PSG9: variants seen among roughly 807,000 people sequenced by gnomAD.
PSG9 encodes the protein pregnancy specific beta-1-glycoprotein 9.
In PSG9, 49 loss-of-function variants were observed where a neutral mutation model predicts 41.9. The ratio of observed to expected loss-of-function variants is 1.17; its 90% CI spans 0.93 to 1.48. The LOEUF is 1.48. Ranked by LOEUF, PSG9 falls within the 40% of genes most tolerant of loss-of-function variation. PSG9 has a pLI of 0.00. For synonymous variants in PSG9, 263 were observed against 196.8 expected (o/e 1.34, Z -2.82); for missense variants, 641 against 520.3 (o/e 1.23, Z -2.26).
chr19:43,263,523 T>A (rs1026056646), intron 2 of PSG9, among the ~76,000 whole-genome samples: 10 of 151,820 alleles, frequency 6.6e-5, no homozygotes, highest in Admixed American at 1.3e-4. Flanking sequence ...CTCAATTTGT[T>A]ATACTGTAAT....
rs1381775322 is a variant in PSG9, at chr19:43,268,168, A to G, written c.65-19T>C. ...AGTGATGCTAGGAGGGGGAGACAGC[A>G]TCAGTTAATATTGAGACCTATGTAT... On this transcript the variant is annotated intron_variant, in intron 1 of 5. Coordinates refer to ENST00000270077, the MANE Select transcript of PSG9 (RefSeq NM_002784.5). 2 of 1,578,994 alleles carry G rather than the reference A, an allele frequency of 1.3e-6. No individual in the cohort carries two copies. Among genetic ancestry groups the G allele is most frequent in the Non-Finnish European group, 1.7e-6 (2 of 1,163,892 alleles).
chr19:43,264,462 C>G (rs937647007), intron 2 of PSG9, among the ~76,000 whole-genome samples: 1 of 151,760 alleles, frequency 6.6e-6, no homozygotes, highest in Non-Finnish European at 1.5e-5. Context: ...TCTCTGACAG[C>G]ATTTTTTTTT....
intron 5 of PSG9, among the ~76,000 whole-genome samples, chr19:43,253,962 C>A (rs112706572): frequency 4.8e-5 from 7 of 146,170 alleles, no homozygotes; most frequent in Admixed American, 1.4e-4. Flanking sequence ...TGATAAATTA[C>A]CTTGTATGTC....
intron 2 of PSG9, among the ~76,000 whole-genome samples, chr19:43,264,544 G>A (rs899827480): frequency 1.4e-4 from 21 of 151,832 alleles, no homozygotes; most frequent in Admixed American, 1.1e-3. Flanking sequence ...TGCAAGCTCC[G>A]CCTTCTGGGT....
At chr19:43,254,064 G>C (rs1968360435) in intron 5 of PSG9, among the ~76,000 whole-genome samples, 1 of 144,662 alleles carries the variant, frequency 6.9e-6, no homozygotes, top group African/African-American at 2.7e-5. Context: ...CCCACAAGTA[G>C]TCAGTAACCA....
chr19:43,258,980 G>T lies in PSG9; in HGVS notation c.865C>A (p.Pro289Thr). ...SLPVSPGVKR[P>T]IENRILILPS... ...AGAATGAGTATCCTGTTTTCAATGGGTCGCTTTACCCCGGGACTGACGGGG... is the reference window on the plus strand; with the variant it reads ...AGAATGAGTATCCTGTTTTCAATGGTTCGCTTTACCCCGGGACTGACGGGG... The change falls in exon 4 of 6, where the codon CCC (proline) becomes ACC (threonine). Residue 289 changes from proline (P) to threonine (T), a missense_variant. Pro to Thr is a conservative substitution (Grantham distance 38, BLOSUM62 -1). Coordinates refer to ENST00000270077, the MANE Select transcript of PSG9 (RefSeq NM_002784.5). 1 of 1,590,612 alleles carries T rather than the reference G, an allele frequency of 6.3e-7. No homozygotes were observed. The highest frequency in any genetic ancestry group is 1.1e-5 in the South Asian group (1 of 89,840).
chr19:43,258,634 C>A (rs1409486647), intron 4 of PSG9, among the ~76,000 whole-genome samples, 178 bp from the exon 5 acceptor site: 5 of 146,252 alleles, frequency 3.4e-5, no homozygotes, highest in African/African-American at 7.8e-5. Flanking sequence ...CCATCACAAG[C>A]TGTGGGCCCC....
chr19:43,264,396 G>A (rs913002940), intron 2 of PSG9, among the ~76,000 whole-genome samples: 12 of 151,970 alleles, frequency 7.9e-5, no homozygotes, highest in African/African-American at 2.7e-4. Flanking sequence ...TCAAGCTAGG[G>A]ATTCTTTCCT....
At chr19:43,257,955 G>A (rs746380033) in intron 5 of PSG9, 6 of 1,448,160 alleles carry the variant, frequency 4.1e-6, no homozygotes, top group African/African-American at 3.0e-5. Flanking sequence ...ACCACATAGG[G>A]CTCAGGGCTG....
At chr19:43,264,927 G>T (rs1377969113) in intron 2 of PSG9, among the ~76,000 whole-genome samples, 1 of 152,140 alleles carries the variant, frequency 6.6e-6, no homozygotes, top group Admixed American at 6.5e-5. Flanking sequence ...AGTCACAAAT[G>T]AAATGGGTGA....
In PSG9 at chr19:43,258,348, C is replaced by T; in HGVS notation, c.1097G>A (p.Trp366Ter). 1 of 1,592,706 alleles carries T rather than the reference C, an allele frequency of 6.3e-7. No homozygotes were observed. The highest frequency in any genetic ancestry group is 1.1e-5 in the South Asian group (1 of 89,956). ...TTGCTGAAACTTCCCATTAATTGTC[C>T]AAAAATACTCTGCCGGTGGGTTAGA... ...TESNPPAEYF[W>*]TINGKFQQSG... The change falls in exon 5 of 6, where the codon TGG becomes TAG. Residue 366 changes from tryptophan (W) to a stop codon, truncating the protein, a stop_gained. Coordinates refer to ENST00000270077, the MANE Select transcript of PSG9 (RefSeq NM_002784.5). LOFTEE classifies it high-confidence loss of function.
intron 1 of PSG9, 96 bp from the exon 2 acceptor site, chr19:43,268,245 G>A (rs1969076625): frequency 7.0e-7 from 1 of 1,438,062 alleles, no homozygotes; most frequent in Non-Finnish European, 9.4e-7. Flanking sequence ...TCCATCCTCA[G>A]CCTTGAAGAT....
intron 5 of PSG9, 96 bp from the exon 6 acceptor site, chr19:43,253,742 A>G (rs1968349991): frequency 2.7e-6 from 2 of 741,466 alleles, no homozygotes; most frequent in Non-Finnish European, 4.4e-6. Context: ...AGGGTGTGAA[A>G]GCAAGCCTAG....
intron 3 of PSG9, among the ~76,000 whole-genome samples, chr19:43,261,435 A>G (rs1968704831): frequency 6.6e-6 from 1 of 152,150 alleles, no homozygotes; most frequent in South Asian, 2.1e-4. Context: ...TGTATGAGGA[A>G]GAAATGGTGG....
chr19:43,258,798 A>C lies in PSG9; in HGVS notation c.988+59T>G, dbSNP rs185939272. The C allele has an allele frequency of 1.6e-3, 2,536 of 1,568,070 alleles. 272 individuals carry two copies. The African/African-American group carries it at 0.025, about 16-fold the overall frequency. On this transcript the variant is annotated intron_variant, in intron 4 of 5. Transcript: ENST00000270077. ...CCGGAGAGAGACTGAGAGGCCTGGC[A>C]TCTGGTCGTTTGGACTTAAGCTGGT... is the stretch of plus-strand genomic sequence containing the variant.
chr19:43,258,175 C>T lies in PSG9; in HGVS notation c.1243+27G>A, dbSNP rs1063002. On this transcript the variant is annotated intron_variant, in intron 5 of 5. Coordinates refer to ENST00000270077, the MANE Select transcript of PSG9 (RefSeq NM_002784.5). Reference sequence around the variant, plus strand: ...CAGATAGACTCCACATAAAACCCTACTGCCAAGGATGCTGGGATCCACTTA... The same window carrying T: ...CAGATAGACTCCACATAAAACCCTATTGCCAAGGATGCTGGGATCCACTTA... 2.7e-5 allele frequency: 43 copies of T among 1,592,392 alleles called. 6 individuals carry two copies. The highest frequency in any genetic ancestry group is 1.7e-4 in the African/African-American group (12 of 70,774).
In PSG9 at chr19:43,269,043, C is replaced by T. The variant is rs188779342; in HGVS notation, c.64+325G>A. Among the ~76,000 whole-genome samples the T allele has an allele frequency of 5.3e-5, 8 of 151,916 alleles. No individual in the cohort carries two copies. In the South Asian group the frequency reaches 8.3e-4, roughly 16 times the overall value. ...TTTTTGAGACGGAGTCTCGTACTGT[C>T]GCCCAGGCTGGCGTGCAGTGGCGGT... On this transcript the variant is annotated intron_variant, in intron 1 of 5. Coordinates refer to ENST00000270077, the MANE Select transcript of PSG9 (RefSeq NM_002784.5).
chr19:43,254,088 T>C (rs1968361004), intron 5 of PSG9, among the ~76,000 whole-genome samples: 1 of 145,858 alleles, frequency 6.9e-6, no homozygotes, highest in African/African-American at 2.6e-5. Context: ...CCTAGTGTTT[T>C]ATGTGTTACC....
At chr19:43,268,797 C>T (rs1201845368) in intron 1 of PSG9, among the ~76,000 whole-genome samples, 1 of 152,060 alleles carries the variant, frequency 6.6e-6, no homozygotes, top group African/African-American at 2.4e-5. Flanking sequence ...TCATGTCCTG[C>T]TTATATTTTT....
Sources: gnomAD v4.1 joint callset for allele counts (sites outside exome capture counted in the v4.1 genomes callset) on GRCh38, gnomAD v4.1.1 for gene constraint, MANE v1.5 for transcripts, NCBI Gene and HGNC (gene_info 2026-07-23, HGNC 2026-07-21) for gene names.